The following TBC1D22A variants were observed in gnomAD, a reference collection of about 807,000 sequenced individuals.
TBC1D22A encodes the protein TBC1 domain family member 22A.
Under a neutral mutation model 60.2 loss-of-function variants are expected in TBC1D22A, and 38 were observed. The ratio of observed to expected loss-of-function variants is 0.63; its 90% confidence interval spans 0.49 to 0.83. The LOEUF (loss-of-function observed/expected upper bound fraction) is 0.83. Ranked by LOEUF, TBC1D22A falls within the 40% of genes least tolerant of loss-of-function variation. The pLI is 0.00. For synonymous variants in TBC1D22A, 302 were observed against 281.7 expected, an observed-to-expected ratio of 1.07 and a Z score of -0.72; for missense variants, 628 against 701.0, an observed-to-expected ratio of 0.90 and a Z score of 1.18.
At chr22:47,162,202 GTT>G (rs57783061) in intron 12 of TBC1D22A, among the ~76,000 whole-genome samples, 1,650 of 146,214 alleles carry the variant, frequency 0.011, 26 homozygotes, top group African/African-American at 0.04. Flanking sequence ...CATTTGAAAG[GTT>G]TTTTTTTTTT....
chr22:47,078,288 C>A (rs1166193581), intron 11 of TBC1D22A, among the ~76,000 whole-genome samples: 1 of 152,176 alleles, frequency 6.6e-6, no homozygotes, highest in Non-Finnish European at 1.5e-5. Context: ...CTTTGTGTCA[C>A]CTCTCTCCCT....
At chr22:46,868,890 T>C (rs2067176896) in intron 4 of TBC1D22A, among the ~76,000 whole-genome samples, 1 of 151,988 alleles carries the variant, frequency 6.6e-6, no homozygotes, top group African/African-American at 2.4e-5. Flanking sequence ...TATCCTAGAG[T>C]TGTTCATTTG....
At chr22:47,019,669 C>G (rs1846888606) in intron 10 of TBC1D22A, among the ~76,000 whole-genome samples, 1 of 151,786 alleles carries the variant, frequency 6.6e-6, no homozygotes, top group Non-Finnish European at 1.5e-5. Flanking sequence ...GTGGTGTGAG[C>G]AGTCGGGGGT....
At chr22:46,921,215 GTTTC>G (rs1237865233) in intron 8 of TBC1D22A, among the ~76,000 whole-genome samples, 1 of 152,180 alleles carries the variant, frequency 6.6e-6, no homozygotes, top group Non-Finnish European at 1.5e-5. Flanking sequence ...CCGAGAGGTA[GTTTC>G]TCGATTCTGA....
chr22:46,884,723 A>T (rs367962288), intron 5 of TBC1D22A, among the ~76,000 whole-genome samples: 27 of 152,324 alleles, frequency 1.8e-4, no homozygotes, highest in African/African-American at 6.5e-4. Flanking sequence ...TATTTACAAA[A>T]ATGGGTGGGC....
intron 11 of TBC1D22A, among the ~76,000 whole-genome samples, chr22:47,103,479 T>G (rs1317239227): frequency 1.3e-5 from 2 of 152,298 alleles, no homozygotes; most frequent in African/African-American, 4.8e-5. Flanking sequence ...GAATACCAGA[T>G]GCAGGGTGGG....
intron 8 of TBC1D22A, chr22:46,915,904 C>T (rs1048062461): frequency 2.2e-5 from 10 of 450,550 alleles, no homozygotes; most frequent in Admixed American, 1.2e-4. Context: ...TGGGAGGTTC[C>T]AACTCTGCAC....
At chr22:46,950,622 C>A (rs1357227803) in intron 8 of TBC1D22A, among the ~76,000 whole-genome samples, 1 of 152,158 alleles carries the variant, frequency 6.6e-6, no homozygotes, top group African/African-American at 2.4e-5. Context: ...CCAGTGTGGA[C>A]ATGGCGATGT....
At chr22:46,954,809 T>A (rs1164070092) in intron 8 of TBC1D22A, among the ~76,000 whole-genome samples, 1 of 152,222 alleles carries the variant, frequency 6.6e-6, no homozygotes, top group Non-Finnish European at 1.5e-5. Context: ...GCAAAATGCT[T>A]CAAAATGTTA....
intron 4 of TBC1D22A, among the ~76,000 whole-genome samples, chr22:46,806,474 G>A (rs17762145): frequency 0.076 from 11,064 of 146,056 alleles, 572 homozygotes; most frequent in Non-Finnish European, 0.11. Flanking sequence ...TAAATTCCTT[G>A]GAGTCTATTA....
At chr22:47,080,995 C>G (rs1473443716) in intron 11 of TBC1D22A, among the ~76,000 whole-genome samples, 1 of 152,016 alleles carries the variant, frequency 6.6e-6, no homozygotes, top group African/African-American at 2.4e-5. Flanking sequence ...TGGCGCATGC[C>G]TGTAATCCCA....
At chr22:46,834,526 C>T (rs943392232) in intron 4 of TBC1D22A, among the ~76,000 whole-genome samples, 1 of 152,224 alleles carries the variant, frequency 6.6e-6, no homozygotes, top group African/African-American at 2.4e-5. Flanking sequence ...GCATAGTGAA[C>T]ACCCAGTGAC....
intron 4 of TBC1D22A, among the ~76,000 whole-genome samples, chr22:46,873,682 C>T (rs2067398782): frequency 6.6e-6 from 1 of 152,182 alleles, no homozygotes; most frequent in Non-Finnish European, 1.5e-5. Context: ...CCTCTGCCCT[C>T]CAGTAGGCCT....
chr22:46,893,205 T>C (rs1290522353), intron 6 of TBC1D22A, among the ~76,000 whole-genome samples: 1 of 152,356 alleles, frequency 6.6e-6, no homozygotes, highest in South Asian at 2.1e-4. Flanking sequence ...CTCACTCTTC[T>C]GCTGAAGATG....
chr22:46,902,742 A>G (rs2069090831), intron 7 of TBC1D22A, among the ~76,000 whole-genome samples: 1 of 152,108 alleles, frequency 6.6e-6, no homozygotes. Flanking sequence ...CATTTTTGAC[A>G]CACAAAGTTG....
In TBC1D22A at chr22:47,173,901, G is replaced by T; in HGVS notation, c.*275G>T. Reference sequence around the variant, plus strand: ...TCAGGGGTCCCCTCTCCCTCTCCCTGCAATGTCCTTGCCAAATGACTGCCT... The same window carrying T: ...TCAGGGGTCCCCTCTCCCTCTCCCTTCAATGTCCTTGCCAAATGACTGCCT... On this transcript the variant is annotated 3_prime_UTR_variant, in exon 13 of 13. Coordinates refer to ENST00000337137, the MANE Select transcript of TBC1D22A (RefSeq NM_014346.5). 2.5e-6 allele frequency: 1 copy of T among 394,274 alleles called. No individual in the cohort carries two copies. Among genetic ancestry groups the T allele is most frequent in the Non-Finnish European group, 4.7e-6 (1 of 212,484 alleles). 24.4% of individuals were successfully genotyped at this position (394,274 alleles called of 1,614,324 possible).
chr22:47,161,808 C>A (rs979420888), intron 12 of TBC1D22A, among the ~76,000 whole-genome samples: 1 of 152,234 alleles, frequency 6.6e-6, no homozygotes, highest in Non-Finnish European at 1.5e-5. Flanking sequence ...AGCTCTCTAG[C>A]GTCCGCGAAT....
intron 4 of TBC1D22A, among the ~76,000 whole-genome samples, chr22:46,826,929 T>C (rs940809918): frequency 6.6e-5 from 10 of 151,312 alleles, no homozygotes; most frequent in African/African-American, 2.2e-4. Context: ...AAAACGTAAA[T>C]CTGGTTTTAG....
intron 4 of TBC1D22A, among the ~76,000 whole-genome samples, chr22:46,840,871 C>T (rs2086727563): frequency 6.6e-6 from 1 of 152,034 alleles, no homozygotes; most frequent in African/African-American, 2.4e-5. Context: ...AAAAATTTAA[C>T]ACAGAACTGT....
Sources: gnomAD v4.1 joint callset for allele counts (sites outside exome capture counted in the v4.1 genomes callset) on GRCh38, gnomAD v4.1.1 for gene constraint, MANE v1.5 for transcripts, NCBI Gene and HGNC (gene_info 2026-07-23, HGNC 2026-07-21) for gene names.